SNX29: variants seen among roughly 807,000 people sequenced by gnomAD.
The protein encoded by SNX29 is sorting nexin 29, also known as sorting nexin-29.
Under a neutral mutation model 102.1 loss-of-function variants are expected in SNX29, and 78 were observed. That is an observed-to-expected ratio of 0.76 (90% CI 0.64 to 0.92). SNX29 has a LOEUF of 0.92. Among genes scored for constraint, SNX29 ranks in the 40% least tolerant of loss-of-function variants. The probability of loss-of-function intolerance (pLI) is 0.00; values close to 1 mark genes in which losing one functional copy is unlikely to be tolerated. For synonymous variants in SNX29, 580 were observed against 414.5 expected (o/e 1.40, Z -4.85); for missense variants, 1,280 against 1,061.7 (o/e 1.21, Z -2.86).
intron 14 of SNX29, among the ~76,000 whole-genome samples, chr16:12,233,111 C>G (rs775218732): frequency 1.3e-5 from 2 of 151,226 alleles, no homozygotes; most frequent in Non-Finnish European, 2.9e-5. Flanking sequence ...TTGTCTTTGT[C>G]TTCCTCCTCC....
chr16:12,549,387 C>G lies in SNX29; in HGVS notation c.2319-19119C>G, dbSNP rs970105393. Among the ~76,000 whole-genome samples, 3 of 152,158 alleles carry G rather than the reference C, an allele frequency of 2.0e-5. No individual in the cohort carries two copies. In the East Asian group the frequency reaches 5.8e-4, roughly 29 times the overall value. On this transcript the variant is annotated intron_variant, in intron 20 of 20. Coordinates refer to ENST00000566228, the MANE Select transcript of SNX29 (RefSeq NM_032167.5). ...GTGTGCACCTGTAGTCCCAGCTACTCAGAAGGCTGAGGCAGGAGAATCTCT... is the reference window on the plus strand; with the variant it reads ...GTGTGCACCTGTAGTCCCAGCTACTGAGAAGGCTGAGGCAGGAGAATCTCT...
intron 20 of SNX29, among the ~76,000 whole-genome samples, chr16:12,532,842 G>T (rs2076968613): frequency 6.6e-6 from 1 of 152,358 alleles, no homozygotes; most frequent in African/African-American, 2.4e-5. Context: ...AGGGGAGCCA[G>T]TGTCTCCCAG....
chr16:12,078,978 G>A (rs756758148), intron 11 of SNX29, 63 bp downstream of exon 11: 14 of 1,413,440 alleles, frequency 9.9e-6, no homozygotes, highest in African/African-American at 2.8e-5. Flanking sequence ...GTCTCATGGC[G>A]GTGCCTTTGT....
At chr16:12,130,665 C>G (rs936262029) in intron 13 of SNX29, among the ~76,000 whole-genome samples, 5 of 151,898 alleles carry the variant, frequency 3.3e-5, no homozygotes, top group African/African-American at 9.7e-5. Context: ...GTTACTGTTC[C>G]CAGAGATATT....
chr16:12,328,403 A>G (rs2081187716), intron 15 of SNX29, among the ~76,000 whole-genome samples: 1 of 152,232 alleles, frequency 6.6e-6, no homozygotes, highest in Non-Finnish European at 1.5e-5. Context: ...CCAAACAGAA[A>G]GCCCTTGGCT....
In SNX29 at chr16:12,287,980, T is replaced by C. The variant is rs561576217; in HGVS notation, c.1782+9944T>C. On this transcript the variant is annotated intron_variant, in intron 15 of 20. Coordinates refer to ENST00000566228, the MANE Select transcript of SNX29 (RefSeq NM_032167.5). The stretch of plus-strand genomic sequence containing the variant: ...ATTTTATGAAAAGCAGCTATAGATA[T>C]TGATGTCACAGCCTGGGCAATGTAG... Among the ~76,000 whole-genome samples the C allele has an allele frequency of 3.4e-3, 520 of 152,280 alleles. 3 individuals carry two copies. The highest frequency in any genetic ancestry group is 5.5e-3 in the Non-Finnish European group (376 of 68,020).
intron 20 of SNX29, among the ~76,000 whole-genome samples, chr16:12,564,301 G>C (rs1267532823): frequency 6.6e-6 from 1 of 152,172 alleles, no homozygotes; most frequent in Admixed American, 6.5e-5. Context: ...TGAAGTTGCT[G>C]GCTAGACTTC....
chr16:12,493,780 CG>C (rs1259761612), intron 19 of SNX29, among the ~76,000 whole-genome samples: 21 of 152,130 alleles, frequency 1.4e-4, no homozygotes, highest in African/African-American at 4.3e-4. Flanking sequence ...TTAGTAGAGA[CG>C]GGGTTTCACC....
intron 20 of SNX29, among the ~76,000 whole-genome samples, chr16:12,557,100 C>CA (rs1407368984): frequency 1.1e-4 from 17 of 151,262 alleles, no homozygotes; most frequent in African/African-American, 4.1e-4. Context: ...CTAGCTGCCT[C>CA]AACCTCCGAA....
At chr16:12,434,695 C>T (rs1271367681) in intron 18 of SNX29, among the ~76,000 whole-genome samples, 1 of 152,122 alleles carries the variant, frequency 6.6e-6, no homozygotes, top group Non-Finnish European at 1.5e-5. Flanking sequence ...TCTTAACTTC[C>T]TGCATCTGAC....
rs1339911265 is a variant in SNX29, at chr16:12,022,082, T to C, written c.123-5238T>C. Among the ~76,000 whole-genome samples the C allele has an allele frequency of 3.0e-5, 4 of 133,076 alleles. No homozygotes were observed. The South Asian group carries it at 9.2e-4, about 31-fold the overall frequency. The allele number at this position is 133,076 out of a possible 152,430, so 87.3% of individuals were successfully genotyped here. A position where few individuals can be genotyped will look rare whatever the true frequency, so the allele number is the denominator to read the frequency against. ...CTTTATCAGACTTTTACTGAGCACC[T>C]GGGGGGAAGTTTTTTTTTTTTTTTT... On this transcript the variant is annotated intron_variant, in intron 3 of 20. Coordinates refer to ENST00000566228, the MANE Select transcript of SNX29 (RefSeq NM_032167.5).
At chr16:12,029,808 T>C (rs2057291389) in intron 4 of SNX29, 1 of 344,224 alleles carries the variant, frequency 2.9e-6, no homozygotes, top group Admixed American at 4.0e-5. Flanking sequence ...GCCAGGCTGG[T>C]CTCGAACTCC....
At chr16:12,122,897 G>T (rs2054038565) in intron 11 of SNX29, among the ~76,000 whole-genome samples, 2 of 152,048 alleles carry the variant, frequency 1.3e-5, no homozygotes, top group Admixed American at 1.3e-4. Flanking sequence ...CATAATCTCG[G>T]CTCACTGCAA....
chr16:12,264,615 C>G (rs2078872992), intron 14 of SNX29, among the ~76,000 whole-genome samples: 1 of 152,112 alleles, frequency 6.6e-6, no homozygotes, highest in South Asian at 2.1e-4. Flanking sequence ...AACCCTGTCT[C>G]TACTGAAAAT....
intron 15 of SNX29, among the ~76,000 whole-genome samples, chr16:12,301,991 A>G (rs2080188232): frequency 6.6e-6 from 1 of 152,212 alleles, no homozygotes; most frequent in Non-Finnish European, 1.5e-5. Flanking sequence ...AATTTCAGTT[A>G]TATACAAAAG....
rs368127239 is a variant in SNX29, at chr16:12,455,079, C to G, written c.2038-22640C>G. Among the ~76,000 whole-genome samples, 33 of 152,164 alleles carry G rather than the reference C, an allele frequency of 2.2e-4. 1 individual carries two copies. The highest frequency in any genetic ancestry group is 8.8e-5 in the Non-Finnish European group (6 of 68,034). ...AGGACTTTAATTTACACTTGGGAACCATTGCTCTGGCTGTGGTGTGGAAAA... is the reference window on the plus strand; with the variant it reads ...AGGACTTTAATTTACACTTGGGAACGATTGCTCTGGCTGTGGTGTGGAAAA... On this transcript the variant is annotated intron_variant, in intron 18 of 20. Transcript: ENST00000566228.
intron 16 of SNX29, among the ~76,000 whole-genome samples, chr16:12,391,235 C>T (rs898640658): frequency 1.3e-5 from 2 of 152,208 alleles, no homozygotes; most frequent in African/African-American, 4.8e-5. Flanking sequence ...CATGAGCCAC[C>T]ATGCCCAGCC....
intron 13 of SNX29, among the ~76,000 whole-genome samples, chr16:12,165,783 C>T (rs1336257650): frequency 2.6e-5 from 4 of 152,196 alleles, no homozygotes; most frequent in African/African-American, 9.7e-5. Context: ...AGGTTGGTCT[C>T]GAACTCCTGG....
At chr16:11,984,108 T>G (rs963379663) in intron 1 of SNX29, among the ~76,000 whole-genome samples, 77 of 152,120 alleles carry the variant, frequency 5.1e-4, no homozygotes, top group African/African-American at 1.6e-3. Flanking sequence ...ATTCCAGCAC[T>G]TTAGGAGGCT....
Sources: allele counts gnomAD v4.1 joint callset (sites outside exome capture counted in the v4.1 genomes callset), GRCh38; gene constraint gnomAD v4.1.1; transcripts MANE v1.5; gene names NCBI Gene and HGNC (gene_info 2026-07-23, HGNC 2026-07-21).